Variants in NOX3 observed in about 807,000 individuals in gnomAD.
NOX3 encodes the protein NADPH oxidase catalytic subunit-like 3.
In NOX3, 74 loss-of-function variants were observed where a neutral mutation model predicts 76.7. The ratio of observed to expected loss-of-function variants is 0.96; its 90% CI spans 0.80 to 1.17. The LOEUF (loss-of-function observed/expected upper bound fraction) is 1.17. NOX3 is among the 50% of genes most tolerant of loss of function. The pLI, the probability that NOX3 is intolerant of heterozygous loss-of-function variation, is 0.00. For missense variants in NOX3, 695 were observed against 703.3 expected, an observed-to-expected ratio of 0.99 and a Z score of 0.13; for synonymous variants, 263 against 261.1, an observed-to-expected ratio of 1.01 and a Z score of -0.07.
At chr6:155,423,674 C>G (rs986797980) in intron 9 of NOX3, among the ~76,000 whole-genome samples, 1 of 152,028 alleles carries the variant, frequency 6.6e-6, no homozygotes, top group Non-Finnish European at 1.5e-5. Flanking sequence ...TGCCACACGG[C>G]CTTTGCATGC....
intron 7 of NOX3, among the ~76,000 whole-genome samples, chr6:155,434,018 C>T (rs1445547420): frequency 6.6e-6 from 1 of 152,212 alleles, no homozygotes; most frequent in African/African-American, 2.4e-5. Flanking sequence ...TTGTTTCCTT[C>T]ACTTTCACTC....
At chr6:155,413,411 G>A (rs1245694256) in intron 10 of NOX3, among the ~76,000 whole-genome samples, 1 of 151,974 alleles carries the variant, frequency 6.6e-6, no homozygotes, top group Non-Finnish European at 1.5e-5. Flanking sequence ...TTCCCTCCGA[G>A]AGACAGGAAA....
At chr6:155,396,272 A>G (rs79573352) in intron 13 of NOX3, among the ~76,000 whole-genome samples, 3,507 of 152,334 alleles carry the variant, frequency 0.023, 82 homozygotes, top group African/African-American at 0.058. Flanking sequence ...TCTACAGAGG[A>G]TGAACAAAAG....
chr6:155,442,061 A>C (rs570857658), intron 5 of NOX3, among the ~76,000 whole-genome samples: 39 of 152,234 alleles, frequency 2.6e-4, no homozygotes, highest in Admixed American at 4.6e-4. Context: ...TCAGGCGATC[A>C]AGACCATCCT....
intron 4 of NOX3, among the ~76,000 whole-genome samples, chr6:155,445,466 T>C (rs2114706616): frequency 6.6e-6 from 1 of 152,308 alleles, no homozygotes; most frequent in Admixed American, 6.5e-5. Context: ...CAGATTTATT[T>C]AGAAATGCTA....
Position 155,440,001 on chromosome 6 carries a change from T to A in NOX3, c.623A>T (p.His208Leu). The A allele has an allele frequency of 6.2e-7, 1 of 1,613,924 alleles. No individual in the cohort carries two copies. Among genetic ancestry groups the A allele is most frequent in the African/African-American group, 1.3e-5 (1 of 74,990 alleles). The change falls in exon 6 of 14, where the codon CAT becomes CTT. Residue 208 changes from histidine to leucine, a missense_variant. By Grantham distance (99) the His-to-Leu change is moderately conservative. Transcript: ENST00000159060. ...ASYELFWYTH[H>L]VFIVFFLSLA... ...GCTGAGAAAGAAGACGATGAAAACA[T>A]GGTGTGTGTACCAGAACAACTCATA...
At chr6:155,451,817 G>T (rs534947878) in intron 4 of NOX3, among the ~76,000 whole-genome samples, 1 of 151,852 alleles carries the variant, frequency 6.6e-6, no homozygotes, top group African/African-American at 2.4e-5. Context: ...TGGTAGAGAC[G>T]GGCTTTCACT....
At chr6:155,448,755 T>C (rs996129948) in intron 4 of NOX3, among the ~76,000 whole-genome samples, 15 of 151,986 alleles carry the variant, frequency 9.9e-5, no homozygotes, top group Admixed American at 4.6e-4. Flanking sequence ...GTGAGCATAA[T>C]TGGGGGGAAT....
In NOX3 at chr6:155,454,859, TA is replaced by T; in HGVS notation, c.206del (p.Leu69GlnfsTer12). On this transcript the variant is annotated frameshift_variant, in exon 3 of 14. Coordinates refer to ENST00000159060, the MANE Select transcript of NOX3 (RefSeq NM_015718.3). LOFTEE classifies it high-confidence loss of function. ...AAATAAGGTTTCGACTGACAGGTAT[TA>T]GAATTAGCATGCAGTTAAAATTCAG... ...LCLNFNCMLI[L>X]IPVSRNLISF... The T allele has an allele frequency of 1.2e-6, 2 of 1,608,988 alleles. No individual in the cohort carries two copies. The highest frequency in any genetic ancestry group is 1.7e-6 in the Non-Finnish European group (2 of 1,178,858).
intron 12 of NOX3, among the ~76,000 whole-genome samples, chr6:155,405,594 T>C (rs1776442593): frequency 6.6e-6 from 1 of 152,164 alleles, no homozygotes; most frequent in African/African-American, 2.4e-5. Flanking sequence ...TGTCACAAAC[T>C]GAACTCCTGA....
intron 9 of NOX3, 89 bp downstream of exon 9, chr6:155,428,705 T>G: frequency 8.1e-7 from 1 of 1,230,590 alleles, no homozygotes. Context: ...TTAATAAAGA[T>G]ATTGCTGAAT....
At chr6:155,415,384 A>G (rs1449914445) in intron 10 of NOX3, among the ~76,000 whole-genome samples, 1 of 152,260 alleles carries the variant, frequency 6.6e-6, no homozygotes, top group East Asian at 1.9e-4. Flanking sequence ...CGTATCTTGA[A>G]TAGATATCCA....
At chr6:155,402,980 A>G (rs1361943903) in intron 12 of NOX3, among the ~76,000 whole-genome samples, 10 of 152,242 alleles carry the variant, frequency 6.6e-5, no homozygotes, top group Admixed American at 4.6e-4. Flanking sequence ...AGGCTTGGGA[A>G]CAAACATATC....
At chr6:155,429,119 G>C in intron 8 of NOX3, 72 bp from the exon 9 acceptor site, 1 of 1,399,458 alleles carries the variant, frequency 7.1e-7, no homozygotes, top group Non-Finnish European at 9.4e-7. Context: ...TTCCATCAAA[G>C]GTGTTGAAAA....
chr6:155,455,239 A>T, intron 1 of NOX3, 110 bp from the exon 2 acceptor site: 1 of 661,472 alleles, frequency 1.5e-6, no homozygotes, highest in Non-Finnish European at 2.6e-6. Context: ...TCTCAATATT[A>T]ATCAGAATTA....
intron 4 of NOX3, among the ~76,000 whole-genome samples, chr6:155,445,590 C>A (rs940566411): frequency 6.6e-6 from 1 of 152,108 alleles, no homozygotes; most frequent in Admixed American, 6.6e-5. Flanking sequence ...TGACTTCTAT[C>A]ACACATTCTT....
intron 2 of NOX3, 26 bp from the exon 3 acceptor site, chr6:155,454,947 A>G (rs1777193997): frequency 6.3e-7 from 1 of 1,590,866 alleles, no homozygotes; most frequent in African/African-American, 1.3e-5. Context: ...GACATAAAAA[A>G]GAGATTCAGG....
At chr6:155,420,802 T>C (rs1170048626) in intron 10 of NOX3, among the ~76,000 whole-genome samples, 1 of 152,230 alleles carries the variant, frequency 6.6e-6, no homozygotes, top group Non-Finnish European at 1.5e-5. Flanking sequence ...CAGTGCTTGA[T>C]AAATCTAGGC....
chr6:155,429,075 C>T, intron 8 of NOX3, 28 bp from the exon 9 acceptor site: 3 of 1,499,858 alleles, frequency 2.0e-6, no homozygotes, highest in Non-Finnish European at 2.7e-6. Flanking sequence ...AGTTGTTTGC[C>T]TTTGTCCTCG....
Sources: gnomAD v4.1 joint callset for allele counts (sites outside exome capture counted in the v4.1 genomes callset) on GRCh38, gnomAD v4.1.1 for gene constraint, MANE v1.5 for transcripts, NCBI Gene and HGNC (gene_info 2026-07-23, HGNC 2026-07-21) for gene names.